Variants in PCBP3 observed in about 807,000 individuals in gnomAD.
The protein encoded by PCBP3 is poly(rC) binding protein 3, also known as poly(rC)-binding protein 3.
A neutral mutation model predicts 52.7 loss-of-function variants in PCBP3; 25 were observed. The observed-to-expected ratio is 0.47, with a 90% confidence interval of 0.35 to 0.66. The LOEUF (loss-of-function observed/expected upper bound fraction) is 0.66, where lower values mean the gene tolerates loss of function less well. PCBP3 is among the 30% of genes least tolerant of loss of function. PCBP3 has a pLI of 0.01. For missense variants in PCBP3, 391 were observed against 490.3 expected (o/e 0.80, Z 1.91); for synonymous variants, 162 against 183.0 (o/e 0.89, Z 0.93).
chr21:45,649,256 C>T (rs1215076381), intron 1 of PCBP3, among the ~76,000 whole-genome samples: 1 of 152,158 alleles, frequency 6.6e-6, no homozygotes, highest in Non-Finnish European at 1.5e-5. Context: ...TACTCACTGT[C>T]ACAAGAACAG....
At chr21:45,678,465 C>G (rs1300131547) in intron 2 of PCBP3, among the ~76,000 whole-genome samples, 1 of 152,108 alleles carries the variant, frequency 6.6e-6, no homozygotes, top group Non-Finnish European at 1.5e-5. Context: ...ATTTGTGACT[C>G]ATGGGAGGAG....
At position 45,933,981 on chromosome 21, in the gene PCBP3, G is replaced by A. The variant is rs117636902; in HGVS notation, c.857-1272G>A. ...GGAGTTGGGGGGCACAGGAGGCGCC[G>A]TGAGGAAGTAGGAGCTCATTGGGAG... On this transcript the variant is annotated intron_variant, in intron 15 of 17. Transcript: ENST00000681687. Among the ~76,000 whole-genome samples, 116 of 152,298 alleles carry A rather than the reference G, an allele frequency of 7.6e-4. 2 individuals carry two copies. In the East Asian group the frequency reaches 0.019, roughly 25 times the overall value.
chr21:45,880,133 A>T lies in PCBP3; in HGVS notation c.11-16075A>T, dbSNP rs1173511965. On this transcript the variant is annotated intron_variant, in intron 5 of 17. Coordinates refer to ENST00000681687, the MANE Select transcript of PCBP3 (RefSeq NM_001384156.1). This position sits in a 1 kb window ranked among gnomAD's most constrained non-coding sequence, Gnocchi z 5.4. Reference sequence around the variant, plus strand: ...ATTTTTCTCTGCATCCTTTTTATTGACAAGACGTTCCTGTCGTGAGTGGTT... The same window carrying T: ...ATTTTTCTCTGCATCCTTTTTATTGTCAAGACGTTCCTGTCGTGAGTGGTT... Among the ~76,000 whole-genome samples the T allele has an allele frequency of 2.6e-5, 4 of 152,180 alleles. No homozygotes were observed. The highest frequency in any genetic ancestry group is 9.7e-5 in the African/African-American group (4 of 41,444).
At chr21:45,923,264 A>G (rs1174457249) in intron 13 of PCBP3, among the ~76,000 whole-genome samples, 2 of 152,154 alleles carry the variant, frequency 1.3e-5, no homozygotes, top group Non-Finnish European at 1.5e-5. Context: ...TCAATGCCGC[A>G]TGCTCTGGGC....
rs73232740 is a variant in PCBP3 at position 45,735,629 on chromosome 21, G to A, written c.-162+200G>A. Reference sequence around the variant, plus strand: ...AGAGCATGTAGTGTGAGTGACACGCGTTTTCCCTTCTTGCTTCTGTGGAAC... The same window carrying A: ...AGAGCATGTAGTGTGAGTGACACGCATTTTCCCTTCTTGCTTCTGTGGAAC... On this transcript the variant is annotated intron_variant, in intron 3 of 17. Coordinates refer to ENST00000681687, the MANE Select transcript of PCBP3 (RefSeq NM_001384156.1). The surrounding 1 kb of genome is among the most constrained non-coding windows in gnomAD (Gnocchi z 4.0). 0.031 allele frequency among the ~76,000 whole-genome samples: 4,676 copies of A among 152,214 alleles called. 118 individuals are homozygous for A. Among genetic ancestry groups the A allele is most frequent in the Non-Finnish European group, 0.048 (3,272 of 67,994 alleles).
In PCBP3 at chr21:45,724,333, A is replaced by G. The variant is rs1169851298; in HGVS notation, c.-199-11059A>G. Among the ~76,000 whole-genome samples, 2 of 151,544 alleles carry G rather than the reference A, an allele frequency of 1.3e-5. No homozygotes were observed. The highest frequency in any genetic ancestry group is 2.9e-5 in the Non-Finnish European group (2 of 67,932). ...CCCCCTCCCGGTGTTACCCTGAGTT[A>G]TGAGAATGCAGTCTTTGGAAGTGGT... On this transcript the variant is annotated intron_variant, in intron 2 of 17. Coordinates refer to ENST00000681687, the MANE Select transcript of PCBP3 (RefSeq NM_001384156.1). This position sits in a 1 kb window ranked among gnomAD's most constrained non-coding sequence, Gnocchi z 5.3.
chr21:45,898,333 CAGCCTCCCTCTGCACACCATCCTCAT>C lies in PCBP3; in HGVS notation c.166-1265_166-1240del, dbSNP rs1344371382. On this transcript the variant is annotated intron_variant, in intron 6 of 17. Transcript: ENST00000681687. ...AGTCTCCCTCTGCACACCGTCCTCACAGCCTCCCTCTGCACACCATCCTCATGGTCTCCCTCTGCACACCGTCCTCA... is the reference window on the plus strand; with the variant it reads ...AGTCTCCCTCTGCACACCGTCCTCACGGTCTCCCTCTGCACACCGTCCTCA... Among the ~76,000 whole-genome samples, 494 of 80,644 alleles carry C rather than the reference CAGCCTCCCTCTGCACACCATCCTCAT, an allele frequency of 6.1e-3. 46 individuals are homozygous for C. Among genetic ancestry groups the C allele is most frequent in the East Asian group, 0.024 (37 of 1,566 alleles). 52.9% of individuals were successfully genotyped at this position (80,644 alleles called of 152,430 possible). A position where few individuals can be genotyped will look rare whatever the true frequency, so the allele number is the denominator to read the frequency against.
chr21:45,840,313 C>G (rs1422633482), intron 4 of PCBP3, among the ~76,000 whole-genome samples: 1 of 151,356 alleles, frequency 6.6e-6, no homozygotes, highest in African/African-American at 2.4e-5. Context: ...AAAAATTAGC[C>G]AGGCATGGTG....
intron 6 of PCBP3, among the ~76,000 whole-genome samples, chr21:45,896,617 G>T (rs2095835692): frequency 6.8e-6 from 1 of 148,068 alleles, no homozygotes; most frequent in Non-Finnish European, 1.5e-5. Context: ...CCGGGCCATT[G>T]TCTCTGTAGG....
intron 4 of PCBP3, among the ~76,000 whole-genome samples, chr21:45,756,038 A>C (rs1453543234): frequency 6.6e-6 from 1 of 152,180 alleles, no homozygotes; most frequent in African/African-American, 2.4e-5. Flanking sequence ...TTTCTCCTAG[A>C]AATTATATAG....
intron 2 of PCBP3, among the ~76,000 whole-genome samples, chr21:45,726,761 G>A (rs1034341357): frequency 9.2e-5 from 14 of 152,232 alleles, no homozygotes; most frequent in Non-Finnish European, 2.1e-4. Context: ...GGTCTGGAAA[G>A]CATGCGTTCT....
At position 45,736,969 on chromosome 21, in the gene PCBP3, C is replaced by T. The variant is rs990493033; in HGVS notation, c.-162+1540C>T. On this transcript the variant is annotated intron_variant, in intron 3 of 17. Coordinates refer to ENST00000681687, the MANE Select transcript of PCBP3 (RefSeq NM_001384156.1). The surrounding 1 kb of genome is among the most constrained non-coding windows in gnomAD (Gnocchi z 4.6). ...TCAGCCCTGAGACACGGGGCATCTG[C>T]GCGAGTCTTGCTGGAGGTGCACGTG... is the stretch of plus-strand genomic sequence containing the variant. 6.6e-6 allele frequency among the ~76,000 whole-genome samples: 1 copy of T among 151,992 alleles called. No homozygotes were observed. Among genetic ancestry groups the T allele is most frequent in the Non-Finnish European group, 1.5e-5 (1 of 67,986 alleles).
At chr21:45,833,100 G>A (rs1235980971) in intron 4 of PCBP3, among the ~76,000 whole-genome samples, 1 of 152,142 alleles carries the variant, frequency 6.6e-6, no homozygotes, top group Non-Finnish European at 1.5e-5. Flanking sequence ...GCTCTCTGTG[G>A]GCAGCTGTGG....
intron 5 of PCBP3, chr21:45,858,425 C>G (rs978020479): frequency 1.3e-5 from 2 of 152,252 alleles, no homozygotes; most frequent in African/African-American, 4.8e-5. Context: ...AGTCCTGTAC[C>G]TGTGAAGATA....
intron 1 of PCBP3, among the ~76,000 whole-genome samples, chr21:45,654,221 T>G (rs1039961369): frequency 7.2e-5 from 11 of 152,226 alleles, no homozygotes; most frequent in African/African-American, 1.9e-4. Flanking sequence ...TACTTGTCTT[T>G]TCTTTGCTCT....
chr21:45,740,780 T>G (rs2086385175), intron 3 of PCBP3, among the ~76,000 whole-genome samples: 1 of 152,120 alleles, frequency 6.6e-6, no homozygotes, highest in Non-Finnish European at 1.5e-5. Context: ...GTGGTATGTG[T>G]GCATCTGTTA....
At chr21:45,868,321 C>T (rs1603458823) in intron 5 of PCBP3, among the ~76,000 whole-genome samples, 1 of 152,328 alleles carries the variant, frequency 6.6e-6, no homozygotes, top group East Asian at 1.9e-4. Context: ...TCCTGCCTGC[C>T]CGGCTGCCTG....
chr21:45,751,124 A>G (rs572787314), intron 3 of PCBP3: 1 of 152,184 alleles, frequency 6.6e-6, no homozygotes, highest in African/African-American at 2.4e-5. Flanking sequence ...GGGTTTGCAC[A>G]TGGAAGGAAA....
intron 1 of PCBP3, among the ~76,000 whole-genome samples, chr21:45,654,849 A>G (rs1264258286): frequency 6.6e-6 from 1 of 152,028 alleles, no homozygotes; most frequent in Non-Finnish European, 1.5e-5. Flanking sequence ...TTAAAAAGAA[A>G]CCTCATACAC....
Sources: allele counts gnomAD v4.1 joint callset (sites outside exome capture counted in the v4.1 genomes callset), GRCh38; gene constraint gnomAD v4.1.1; non-coding constraint Gnocchi (gnomAD v3.1); transcripts MANE v1.5; gene names NCBI Gene and HGNC (gene_info 2026-07-23, HGNC 2026-07-21).